The following LARGE1 variants were observed in gnomAD, a reference collection of about 807,000 sequenced individuals.
LARGE1 encodes the protein LARGE xylosyl- and glucuronyltransferase 1.
Under a neutral mutation model 87.6 loss-of-function variants are expected in LARGE1, and 43 were observed. That is an observed-to-expected ratio of 0.49 (90% CI 0.38 to 0.63). LARGE1 has a LOEUF of 0.63. LARGE1 is among the 30% of genes least tolerant of loss of function. The pLI, the probability that LARGE1 is intolerant of heterozygous loss-of-function variation, is 0.00. For synonymous variants in LARGE1, 434 were observed against 394.6 expected, an observed-to-expected ratio of 1.10 and a Z score of -1.18; for missense variants, 802 against 1,000.2, an observed-to-expected ratio of 0.80 and a Z score of 2.67.
Position 33,622,419 on chromosome 22 carries a change from C to T in LARGE1, c.491+3825G>A, listed in dbSNP as rs187354194. Among the ~76,000 whole-genome samples, 201 of 152,328 alleles carry T rather than the reference C, an allele frequency of 1.3e-3. 1 individual carries two copies. Among genetic ancestry groups the T allele is most frequent in the African/African-American group, 4.6e-3 (190 of 41,574 alleles). On this transcript the variant is annotated intron_variant, in intron 4 of 14. Coordinates refer to ENST00000397394, the MANE Select transcript of LARGE1 (RefSeq NM_133642.5). ...GTTTCCTGAGGCTTCCCCAGCCATG[C>T]TAAGCTGTGAGTCAATTAAACCCCT... is the stretch of plus-strand genomic sequence containing the variant.
At chr22:33,794,051 G>A (rs746420138) in intron 1 of LARGE1, among the ~76,000 whole-genome samples, 3 of 152,086 alleles carry the variant, frequency 2.0e-5, no homozygotes, top group Non-Finnish European at 4.4e-5. Context: ...CCTGTATATT[G>A]CAAGGCTGCA....
intron 6 of LARGE1, among the ~76,000 whole-genome samples, chr22:33,504,722 C>G (rs566553466): frequency 6.6e-6 from 1 of 152,160 alleles, no homozygotes; most frequent in Admixed American, 6.5e-5. Context: ...AACACCAACT[C>G]ACGGGGTTGC....
chr22:33,760,747 C>T (rs1322699886), intron 2 of LARGE1, among the ~76,000 whole-genome samples: 1 of 152,076 alleles, frequency 6.6e-6, no homozygotes, highest in Non-Finnish European at 1.5e-5. Flanking sequence ...TGGTGAAACC[C>T]CATCTCTACG....
At chr22:33,216,162 T>G (rs1160000728) in intron 11 of LARGE1, among the ~76,000 whole-genome samples, 1 of 152,246 alleles carries the variant, frequency 6.6e-6, no homozygotes, top group Non-Finnish European at 1.5e-5. Context: ...CATATGTGCC[T>G]GGGTCTAGTT....
intron 11 of LARGE1, among the ~76,000 whole-genome samples, chr22:33,242,632 GTCTTGAGGGTGC>G (rs1926575590): frequency 6.6e-6 from 1 of 152,034 alleles, no homozygotes; most frequent in Middle Eastern, 3.2e-3. Context: ...TTCTCACAGG[GTCTTGAGGGTGC>G]TCAATTAACA....
rs58320249 is a variant in LARGE1, at chr22:33,665,977, A to T, written c.107-15309T>A. Among the ~76,000 whole-genome samples the T allele has an allele frequency of 6.0e-3, 893 of 149,780 alleles. 9 individuals carry two copies. The highest frequency in any genetic ancestry group is 0.021 in the African/African-American group (848 of 39,846). ...AACTTGCAAGATTTACTGCAAAAAG[A>T]AGTTAAAAAAAAAAAGATCAAATTG... On this transcript the variant is annotated intron_variant, in intron 2 of 14. Coordinates refer to ENST00000397394, the MANE Select transcript of LARGE1 (RefSeq NM_133642.5).
At chr22:33,135,852 T>TAAAAC in the LARGE1 span, among the ~76,000 whole-genome samples, 3 of 128,526 alleles carry the variant, frequency 2.3e-5, no homozygotes, top group African/African-American at 8.4e-5. Context: ...AAAATAAAAA[T>TAAAAC]AAAACAAAAT....
At chr22:33,887,678 G>A (rs540680378) in intron 1 of LARGE1, among the ~76,000 whole-genome samples, 13 of 151,992 alleles carry the variant, frequency 8.6e-5, no homozygotes, top group South Asian at 4.2e-4. Flanking sequence ...TGGAGGTTGT[G>A]GTGAGTTGAC....
intron 7 of LARGE1, among the ~76,000 whole-genome samples, chr22:33,431,151 A>T (rs1385933639): frequency 2.6e-5 from 4 of 152,232 alleles, no homozygotes; most frequent in African/African-American, 9.6e-5. Flanking sequence ...GGAGGGAGGC[A>T]GAAGGATCCA....
intron 4 of LARGE1, among the ~76,000 whole-genome samples, chr22:33,614,243 A>ACTTACAACAAGGACTGGCAGG (rs2079520287): frequency 6.6e-6 from 1 of 152,198 alleles, no homozygotes; most frequent in African/African-American, 2.4e-5. Context: ...CATATGCAGC[A>ACTTACAACAAGGACTGGCAGG]CTTACAACAA....
chr22:33,259,375 CACAT>C (rs903957665), intron 11 of LARGE1, among the ~76,000 whole-genome samples: 2 of 151,798 alleles, frequency 1.3e-5, no homozygotes, highest in South Asian at 2.1e-4. Flanking sequence ...GACACACACA[CACAT>C]ACACACACAG....
At chr22:33,421,204 A>C (rs553510035) in intron 7 of LARGE1, among the ~76,000 whole-genome samples, 58 of 142,612 alleles carry the variant, frequency 4.1e-4, no homozygotes, top group East Asian at 3.1e-3. Flanking sequence ...AATAAAAAAT[A>C]AAATAAAATC....
chr22:33,770,685 T>C (rs1396637166), intron 1 of LARGE1, among the ~76,000 whole-genome samples: 2 of 151,788 alleles, frequency 1.3e-5, no homozygotes, highest in Admixed American at 1.3e-4. Context: ...ACCCTATCTC[T>C]AAAAAATAGA....
At chr22:33,338,843 G>A (rs115858363) in intron 9 of LARGE1, among the ~76,000 whole-genome samples, 1 of 152,236 alleles carries the variant, frequency 6.6e-6, no homozygotes, top group African/African-American at 2.4e-5. Flanking sequence ...TGATAATGGA[G>A]AGACGATCAA....
chr22:33,657,763 C>A (rs1382494233), intron 2 of LARGE1, among the ~76,000 whole-genome samples: 1 of 152,152 alleles, frequency 6.6e-6, no homozygotes, highest in Admixed American at 6.5e-5. Flanking sequence ...CGTTTGCAGT[C>A]TGATAATGCA....
intron 6 of LARGE1, among the ~76,000 whole-genome samples, chr22:33,433,607 C>CAAAAAAAAA (rs57605083): frequency 3.2e-4 from 28 of 88,262 alleles, no homozygotes; most frequent in Admixed American, 4.2e-4. Flanking sequence ...AAAAACAAAA[C>CAAAAAAAAA]AAAAAAAAAA....
chr22:33,283,092 T>C, intron 13 of LARGE1, 110 bp downstream of exon 13: 1 of 1,375,256 alleles, frequency 7.3e-7, no homozygotes, highest in South Asian at 1.2e-5. Context: ...GGCCTCACAA[T>C]GGACTAAGGC....
chr22:33,705,557 T>G (rs1204917879), intron 2 of LARGE1, among the ~76,000 whole-genome samples: 1 of 152,178 alleles, frequency 6.6e-6, no homozygotes, highest in Non-Finnish European at 1.5e-5. Context: ...ATTTCACTGA[T>G]GAGGAAAGTG....
At chr22:33,761,713 A>G (rs946244937) in intron 1 of LARGE1, among the ~76,000 whole-genome samples, 155 bp from the exon 2 acceptor site, 1 of 152,046 alleles carries the variant, frequency 6.6e-6, no homozygotes, top group African/African-American at 2.4e-5. Context: ...GCCGTCTCGC[A>G]GTCTTCAAAA....
Sources: allele counts gnomAD v4.1 joint callset (sites outside exome capture counted in the v4.1 genomes callset), GRCh38; gene constraint gnomAD v4.1.1; transcripts MANE v1.5; gene names NCBI Gene and HGNC (gene_info 2026-07-23, HGNC 2026-07-21).